Variants in MKLN1 observed in about 807,000 individuals in gnomAD.
The protein encoded by MKLN1 is muskelin.
A neutral mutation model predicts 99.0 loss-of-function variants in MKLN1; 18 were observed. That is an observed-to-expected ratio of 0.18 (90% confidence interval 0.13 to 0.27). The LOEUF (loss-of-function observed/expected upper bound fraction) is 0.27, where lower values mean the gene tolerates loss of function less well. Among genes scored for constraint, MKLN1 ranks in the 10% least tolerant of loss-of-function variants. MKLN1 has a pLI of 1.00. For synonymous variants in MKLN1, 288 were observed against 293.2 expected, an observed-to-expected ratio of 0.98 and a Z score of 0.18; for missense variants, 621 against 875.9, an observed-to-expected ratio of 0.71 and a Z score of 3.67.
intron 3 of MKLN1, chr7:131,285,029 A>G (rs1458743879): frequency 6.6e-6 from 1 of 152,242 alleles, no homozygotes; most frequent in African/African-American, 2.4e-5. Flanking sequence ...TGAGGCTGAG[A>G]TTCCGGTTCC....
chr7:131,126,055 T>TAA (rs1554525839), intron 1 of MKLN1, among the ~76,000 whole-genome samples: 2 of 103,402 alleles, frequency 1.9e-5, no homozygotes, highest in African/African-American at 6.4e-5. Context: ...AATAAATTAA[T>TAA]TAATTAATAA....
intron 8 of MKLN1, among the ~76,000 whole-genome samples, chr7:131,419,399 C>T (rs185321311): frequency 3.2e-4 from 48 of 151,026 alleles, no homozygotes; most frequent in Admixed American, 2.6e-3. Context: ...TACAGGCGCC[C>T]GCCCAGCTAA....
At position 131,487,317 on chromosome 7, in the gene MKLN1, A is replaced by T. The variant is rs1351442330; in HGVS notation, c.2087-290A>T. On this transcript the variant is annotated intron_variant, in intron 17 of 17. Coordinates refer to ENST00000352689, the MANE Select transcript of MKLN1 (RefSeq NM_013255.5). This position sits in a 1 kb window ranked among gnomAD's most constrained non-coding sequence, Gnocchi z 4.7. ...ACTAAAGTGCCAGTCCTTCTGCTAGACGCTTTTCATGTAACTACATTTAAT... is the reference window on the plus strand; with the variant it reads ...ACTAAAGTGCCAGTCCTTCTGCTAGTCGCTTTTCATGTAACTACATTTAAT... Among the ~76,000 whole-genome samples the T allele has an allele frequency of 6.6e-6, 1 of 152,146 alleles. No homozygotes were observed. Among genetic ancestry groups the T allele is most frequent in the African/African-American group, 2.4e-5 (1 of 41,442 alleles).
intron 3 of MKLN1, among the ~76,000 whole-genome samples, chr7:131,219,297 T>G (rs1797028689): frequency 6.6e-6 from 1 of 152,068 alleles, no homozygotes; most frequent in African/African-American, 2.4e-5. Context: ...GCAGAATGCC[T>G]GATATAATAG....
chr7:131,324,804 T>C (rs1040781649), upstream of MKLN1, among the ~76,000 whole-genome samples: 2 of 152,232 alleles, frequency 1.3e-5, no homozygotes, highest in African/African-American at 4.8e-5. Context: ...AATGCCTCTC[T>C]GGGCCTCATA....
At chr7:131,463,190 C>G in intron 12 of MKLN1, 27 bp from the exon 13 acceptor site, 11 of 1,550,770 alleles carry the variant, frequency 7.1e-6, no homozygotes, top group Non-Finnish European at 9.7e-6. Context: ...TGAATATTTT[C>G]ATCTTATTTT....
intron 3 of MKLN1, among the ~76,000 whole-genome samples, chr7:131,288,783 C>T (rs1275397787): frequency 6.6e-6 from 1 of 152,160 alleles, no homozygotes; most frequent in Non-Finnish European, 1.5e-5. Flanking sequence ...TTTCTCATCT[C>T]ACAGCTTCTA....
rs777430828 is a variant in MKLN1 at position 131,495,069 on chromosome 7, T to G, written c.*7341T>G. 5 of 152,200 alleles carry G rather than the reference T, an allele frequency of 3.3e-5. No homozygotes were observed. Among genetic ancestry groups the G allele is most frequent in the African/African-American group, 4.8e-5 (2 of 41,442 alleles). The allele number at this position is 152,200 out of a possible 1,614,324, so 9.4% of individuals were successfully genotyped here. On this transcript the variant is annotated 3_prime_UTR_variant, in exon 18 of 18. Coordinates refer to ENST00000352689, the MANE Select transcript of MKLN1 (RefSeq NM_013255.5). ...TGAGGACCTCCTTTTCTTGTGTTGG[T>G]CTTGGGAACAAACAGTATTCCGTCT... is the stretch of plus-strand genomic sequence containing the variant.
intron 3 of MKLN1, among the ~76,000 whole-genome samples, chr7:131,209,555 T>C (rs941980561): frequency 1.6e-4 from 24 of 152,180 alleles, no homozygotes; most frequent in African/African-American, 5.3e-4. Context: ...TGGATGGTGA[T>C]GCCATTTAGT....
chr7:131,229,535 C>CGT (rs1563260002), intron 3 of MKLN1, among the ~76,000 whole-genome samples: 8 of 81,346 alleles, frequency 9.8e-5, no homozygotes, highest in Non-Finnish European at 1.4e-4. Flanking sequence ...TCTTTTCAGA[C>CGT]ATGTGTGTGT....
In MKLN1 at chr7:131,251,279, C is replaced by T. The variant is rs370705849; in HGVS notation, c.-179+48305C>T. Reference sequence around the variant, plus strand: ...TTAAGCAAGAAATCCCCTTTGAGCACCAAAGATATTAAACGACCTTATTGT... The same window carrying T: ...TTAAGCAAGAAATCCCCTTTGAGCATCAAAGATATTAAACGACCTTATTGT... On this transcript the variant is annotated intron_variant, in intron 3 of 7. Coordinates refer to the MKLN1 transcript ENST00000416992. Among the ~76,000 whole-genome samples the T allele has an allele frequency of 2.0e-5, 3 of 152,224 alleles. 1 individual carries two copies. The highest frequency in any genetic ancestry group is 4.8e-5 in the African/African-American group (2 of 41,454).
At chr7:131,428,398 C>T (rs1179924685) in intron 8 of MKLN1, among the ~76,000 whole-genome samples, 2 of 152,096 alleles carry the variant, frequency 1.3e-5, no homozygotes, top group Non-Finnish European at 2.9e-5. Flanking sequence ...AAAAATTTCT[C>T]CCAGTTTTTA....
At chr7:131,277,411 G>A (rs1797990321) in intron 3 of MKLN1, among the ~76,000 whole-genome samples, 1 of 151,910 alleles carries the variant, frequency 6.6e-6, no homozygotes, top group Non-Finnish European at 1.5e-5. Flanking sequence ...AGCCTCCTGA[G>A]TAGCTAGGAT....
At chr7:131,486,156 G>A (rs1221243946) in intron 17 of MKLN1, among the ~76,000 whole-genome samples, 3 of 151,730 alleles carry the variant, frequency 2.0e-5, no homozygotes, top group Non-Finnish European at 2.9e-5. Context: ...ATGAATCTAA[G>A]TGAAGGCTAT....
chr7:131,354,888 T>C (rs1179154450), intron 1 of MKLN1, among the ~76,000 whole-genome samples: 3 of 152,190 alleles, frequency 2.0e-5, no homozygotes, highest in Non-Finnish European at 4.4e-5. Flanking sequence ...ACCCCAATGA[T>C]TTATGATGCT....
chr7:131,224,271 T>C (rs1370870331), intron 3 of MKLN1, among the ~76,000 whole-genome samples: 1 of 152,146 alleles, frequency 6.6e-6, no homozygotes, highest in Non-Finnish European at 1.5e-5. Flanking sequence ...TGGGGCTGGG[T>C]GCGGTAGCTC....
intron 5 of MKLN1, among the ~76,000 whole-genome samples, chr7:131,399,004 A>G (rs1044539392): frequency 6.6e-6 from 1 of 152,212 alleles, no homozygotes; most frequent in Admixed American, 6.5e-5. Context: ...GTTTGGTTTA[A>G]TAACTTTTGG....
intron 1 of MKLN1, among the ~76,000 whole-genome samples, chr7:131,362,592 C>T (rs1352512412): frequency 6.6e-6 from 1 of 151,972 alleles, no homozygotes; most frequent in Non-Finnish European, 1.5e-5. Context: ...ATGTATCTGT[C>T]TAGTTCCAAT....
chr7:131,380,862 T>C (rs462960), intron 2 of MKLN1, among the ~76,000 whole-genome samples: 3 of 152,230 alleles, frequency 2.0e-5, no homozygotes, highest in Non-Finnish European at 4.4e-5. Context: ...TGGTTTCATA[T>C]ACAGTTGATT....
Sources: gnomAD v4.1 joint callset for allele counts (sites outside exome capture counted in the v4.1 genomes callset) on GRCh38, gnomAD v4.1.1 for gene constraint, Gnocchi (gnomAD v3.1) non-coding constraint, MANE v1.5 for transcripts, NCBI Gene and HGNC (gene_info 2026-07-23, HGNC 2026-07-21) for gene names.